F8: variants seen among roughly 807,000 people sequenced by gnomAD.
F8 encodes coagulation factor VIII, also known as antihemophilic factor.
A neutral mutation model predicts 140.6 loss-of-function variants in F8; 12 were observed. The observed-to-expected ratio is 0.09, with a 90% CI of 0.05 to 0.14. The LOEUF (loss-of-function observed/expected upper bound fraction) is 0.14. F8 is among the 10% of genes least tolerant of loss of function. F8 has a pLI of 1.00. For missense variants in F8, 1,354 were observed against 1,720.7 expected (o/e 0.79, Z 3.77); for synonymous variants, 585 against 614.6 (o/e 0.95, Z 0.71).
At position 154,940,785 on chromosome X, in the gene F8, A is replaced by T. The variant is rs782280850; in HGVS notation, c.2113+6913T>A. The stretch of plus-strand genomic sequence containing the variant: ...AGACAGAAAGGTCGGGTTACCCACA[A>T]AGGGAAGCCCATCAGACTAACAGCT... On this transcript the variant is annotated intron_variant, in intron 13 of 25. Coordinates refer to ENST00000360256, the MANE Select transcript of F8 (RefSeq NM_000132.4). Among the ~76,000 whole-genome samples, 6 of 112,269 alleles carry T rather than the reference A, an allele frequency of 5.3e-5. No individual in the cohort carries two copies. The East Asian group carries it at 1.7e-3, about 31-fold the overall frequency.
At chrX:154,972,946 C>G (rs1329093338) in intron 6 of F8, among the ~76,000 whole-genome samples, 1 of 110,640 alleles carries the variant, frequency 9.0e-6, no homozygotes, top group Non-Finnish European at 1.9e-5. Flanking sequence ...CTCCTGACCC[C>G]AAGTGATCTG....
intron 2 of F8, 126 bp downstream of exon 2, chrX:154,999,353 G>A (rs1286112012): frequency 2.2e-5 from 16 of 741,165 alleles, no homozygotes; most frequent in Non-Finnish European, 3.0e-5. Context: ...TTCCCTATAG[G>A]TAGCAGTTAG....
intron 13 of F8, among the ~76,000 whole-genome samples, chrX:154,941,907 T>C (rs2073267810): frequency 9.6e-6 from 1 of 104,416 alleles, no homozygotes; most frequent in African/African-American, 3.5e-5. Context: ...AACCTGCTCC[T>C]GAATGACTAC....
chrX:154,994,066 C>G (rs1022600185), intron 3 of F8, among the ~76,000 whole-genome samples: 2 of 112,375 alleles, frequency 1.8e-5, no homozygotes, highest in East Asian at 5.5e-4. Context: ...AAGCTTCCTA[C>G]TCTTCAGTAA....
chrX:154,933,559 C>T (rs1259598948), intron 13 of F8, among the ~76,000 whole-genome samples: 2 of 112,326 alleles, frequency 1.8e-5, no homozygotes, highest in African/African-American at 6.5e-5. Flanking sequence ...AGGCTAAGAG[C>T]AAGCCACTTA....
chrX:154,861,505 T>C (rs1263445058), intron 24 of F8, among the ~76,000 whole-genome samples: 1 of 112,275 alleles, frequency 8.9e-6, no homozygotes, highest in Non-Finnish European at 1.9e-5. Flanking sequence ...AGCTCAGTAC[T>C]AGATATAGAG....
intron 22 of F8, among the ~76,000 whole-genome samples, chrX:154,873,596 A>G (rs1481996494): frequency 1.8e-5 from 2 of 111,980 alleles, no homozygotes; most frequent in South Asian, 3.6e-4. Flanking sequence ...AAAATATACT[A>G]CAAGTCTCCA....
chrX:154,943,122 T>C (rs5987066), intron 13 of F8, among the ~76,000 whole-genome samples: 1,379 of 111,767 alleles, frequency 0.012, 25 homozygotes, highest in African/African-American at 0.042. Context: ...CAGGGATGCC[T>C]TCTCTCACCT....
chrX:154,925,286 G>C (rs1276951622), intron 14 of F8, among the ~76,000 whole-genome samples: 1 of 112,043 alleles, frequency 8.9e-6, no homozygotes, highest in Non-Finnish European at 1.9e-5. Flanking sequence ...GTTTGCTGCG[G>C]GGGTGGGCCT....
chrX:154,921,633 T>C (rs1347316535), intron 14 of F8, among the ~76,000 whole-genome samples: 1 of 111,732 alleles, frequency 8.9e-6, no homozygotes, highest in Non-Finnish European at 1.9e-5. Context: ...CCAACCCAAA[T>C]GTCCATCAAT....
intron 25 of F8, among the ~76,000 whole-genome samples, chrX:154,838,104 G>A (rs1341350787): frequency 8.9e-6 from 1 of 112,775 alleles, no homozygotes; most frequent in Non-Finnish European, 1.9e-5. Flanking sequence ...GCTGTGGCAA[G>A]AGGAGTACAT....
At chrX:154,960,555 A>C (rs1455017049) in intron 10 of F8, among the ~76,000 whole-genome samples, 3 of 110,608 alleles carry the variant, frequency 2.7e-5, no homozygotes, top group African/African-American at 6.6e-5. Flanking sequence ...CCCTGAAAAT[A>C]TCAAACTAGA....
At chrX:154,905,171 G>A in intron 15 of F8, 148 bp from the exon 16 acceptor site, 1 of 479,989 alleles carries the variant, frequency 2.1e-6, no homozygotes, top group South Asian at 3.2e-5. Flanking sequence ...ACAGAAGATG[G>A]ATGCTGTTAG....
At chrX:154,938,879 G>C (rs2073238603) in intron 13 of F8, among the ~76,000 whole-genome samples, 1 of 86,782 alleles carries the variant, frequency 1.2e-5, no homozygotes, top group African/African-American at 5.9e-5. Context: ...GAAATGAAAG[G>C]TGTAAATATA....
intron 13 of F8, among the ~76,000 whole-genome samples, chrX:154,935,894 G>A (rs1407767112): frequency 9.2e-6 from 1 of 108,236 alleles, no homozygotes; most frequent in African/African-American, 3.4e-5. Context: ...AGAATTAGAA[G>A]CAATATTTGA....
At chrX:154,969,608 A>C in intron 6 of F8, 56 bp from the exon 7 acceptor site, 1 of 1,033,316 alleles carries the variant, frequency 9.7e-7, no homozygotes, top group Non-Finnish European at 1.4e-6. Flanking sequence ...TGAAATGGAA[A>C]ACACTTGCTA....
Position 154,863,234 on chromosome X carries a change from G to A in F8, c.6430-7C>T. On this transcript the variant is annotated splice_polypyrimidine_tract_variant and splice_region_variant and intron_variant, in intron 22 of 25. Transcript: ENST00000360256. ...CCACATTGCCAAAGAAGACCTGTATGGAGAGATTAGCACAAATACATGGAA... is the reference window on the plus strand; with the variant it reads ...CCACATTGCCAAAGAAGACCTGTATAGAGAGATTAGCACAAATACATGGAA... 1 of 1,205,331 alleles carries A rather than the reference G, an allele frequency of 8.3e-7. No homozygotes were observed. Among genetic ancestry groups the A allele is most frequent in the Non-Finnish European group, 1.1e-6 (1 of 889,592 alleles).
At chrX:154,898,714 T>C (rs782739573) in intron 21 of F8, among the ~76,000 whole-genome samples, 1 of 112,512 alleles carries the variant, frequency 8.9e-6, no homozygotes, top group African/African-American at 3.2e-5. Context: ...TACTTCAATA[T>C]TTTGATCATG....
intron 20 of F8, among the ~76,000 whole-genome samples, chrX:154,900,362 T>C (rs1210636258): frequency 1.8e-5 from 2 of 110,531 alleles, no homozygotes; most frequent in Non-Finnish European, 3.8e-5. Context: ...GTCTCCTAGG[T>C]AGCTGGGACT....
Sources: allele counts gnomAD v4.1 joint callset (sites outside exome capture counted in the v4.1 genomes callset), GRCh38; gene constraint gnomAD v4.1.1; transcripts MANE v1.5; gene names NCBI Gene and HGNC (gene_info 2026-07-23, HGNC 2026-07-21).